The following NTRK3 variants were observed in gnomAD, a reference collection of about 807,000 sequenced individuals.
NTRK3 encodes NT-3 growth factor receptor.
NTRK3 carries 24 observed loss-of-function variants against 91.7 expected under a neutral mutation model. The observed-to-expected ratio is 0.26, with a 90% CI of 0.19 to 0.37. The LOEUF is 0.37. NTRK3 is among the 10% of genes least tolerant of loss of function. The pLI is 1.00. For missense variants in NTRK3, 880 were observed against 1,068.9 expected (o/e 0.82, Z 2.46); for synonymous variants, 483 against 404.0 (o/e 1.20, Z -2.34).
In NTRK3 at chr15:87,976,358, G is replaced by C. The variant is rs188032955; in HGVS notation, c.1586-35605C>G. The stretch of plus-strand genomic sequence containing the variant: ...AAAGCAACTGAGGGTATATAGAAAA[G>C]CACCAACCTAGCCTGATCAACTTCC... On this transcript the variant is annotated intron_variant, in intron 14 of 18. Coordinates refer to ENST00000394480, the Ensembl canonical transcript of NTRK3. Among the ~76,000 whole-genome samples, 34 of 152,270 alleles carry C rather than the reference G, an allele frequency of 2.2e-4. 1 individual carries two copies. In the East Asian group the frequency reaches 6.4e-3, roughly 29 times the overall value.
intron 17 of NTRK3, among the ~76,000 whole-genome samples, chr15:87,919,027 A>C (rs1261579204): frequency 6.6e-6 from 1 of 152,208 alleles, no homozygotes; most frequent in Non-Finnish European, 1.5e-5. Flanking sequence ...ACTTGAGTAC[A>C]TCCCACAAAC....
At chr15:88,239,941 C>T (rs1441223810) in intron 3 of NTRK3, among the ~76,000 whole-genome samples, 1 of 152,120 alleles carries the variant, frequency 6.6e-6, no homozygotes, top group Non-Finnish European at 1.5e-5. Flanking sequence ...TGGGGTGGGG[C>T]CCAGCGGTCG....
chr15:87,932,903 C>T (rs1330378976), intron 16 of NTRK3, 109 bp downstream of exon 16: 12 of 1,104,192 alleles, frequency 1.1e-5, no homozygotes, highest in African/African-American at 3.1e-5. Flanking sequence ...AATTTCTCAT[C>T]CTGAGAGGAA....
chr15:88,082,774 G>A (rs1247347473), intron 13 of NTRK3, among the ~76,000 whole-genome samples: 7 of 152,146 alleles, frequency 4.6e-5, no homozygotes, highest in Non-Finnish European at 2.9e-5. Flanking sequence ...CCACTAAGCC[G>A]GGAAGGAAAC....
At chr15:88,102,298 A>T (rs999748093) in intron 13 of NTRK3, among the ~76,000 whole-genome samples, 1 of 152,244 alleles carries the variant, frequency 6.6e-6, no homozygotes, top group Non-Finnish European at 1.5e-5. Flanking sequence ...TGAATTAAGC[A>T]TATTTTTGGT....
rs904616648 is a variant in NTRK3 at position 88,031,228 on chromosome 15, G to A, written c.1585+1629C>T. On this transcript the variant is annotated intron_variant, in intron 14 of 18. Coordinates refer to ENST00000394480, the Ensembl canonical transcript of NTRK3. ...CCTCGTGTCTTCCCTAGGAGCAATG[G>A]TTCAGTGTTCACTAATTCAGTGTTC... Among the ~76,000 whole-genome samples the A allele has an allele frequency of 2.6e-5, 4 of 152,270 alleles. No homozygotes were observed. In the East Asian group the frequency reaches 5.8e-4, roughly 22 times the overall value.
chr15:87,895,008 G>T (rs1350388986), intron 17 of NTRK3, among the ~76,000 whole-genome samples: 1 of 152,104 alleles, frequency 6.6e-6, no homozygotes, highest in Non-Finnish European at 1.5e-5. Context: ...CTTTGTGGGG[G>T]TGGGGAGCAG....
chr15:88,210,187 G>C (rs1049289217), intron 3 of NTRK3: 1 of 152,198 alleles, frequency 6.6e-6, no homozygotes, highest in African/African-American at 2.4e-5. Flanking sequence ...AATGAAGGGA[G>C]CCCACACCTA....
At chr15:88,045,837 T>C (rs1481406828) in intron 13 of NTRK3, among the ~76,000 whole-genome samples, 1 of 152,236 alleles carries the variant, frequency 6.6e-6, no homozygotes, top group African/African-American at 2.4e-5. Flanking sequence ...TTTGTGTGTG[T>C]CCATTTCTGT....
intron 14 of NTRK3, 59 bp downstream of exon 14, chr15:88,032,798 G>A (rs550570324): frequency 4.4e-6 from 7 of 1,591,518 alleles, no homozygotes; most frequent in Non-Finnish European, 5.2e-6. Flanking sequence ...CAGGTACATG[G>A]TCTATCACCA....
At chr15:88,149,896 C>G (rs1032566531) in intron 5 of NTRK3, among the ~76,000 whole-genome samples, 6 of 152,210 alleles carry the variant, frequency 3.9e-5, no homozygotes, top group Non-Finnish European at 7.3e-5. Flanking sequence ...CTGTTTTGCT[C>G]TATTTTGCCT....
intron 14 of NTRK3, among the ~76,000 whole-genome samples, chr15:87,958,794 C>G (rs148336340): frequency 1.7e-3 from 258 of 152,138 alleles, no homozygotes; most frequent in African/African-American, 5.9e-3. Flanking sequence ...TCCCACCCCT[C>G]TCTTCCATCC....
chr15:88,112,004 A>T (rs899296877), intron 13 of NTRK3, among the ~76,000 whole-genome samples: 8 of 151,234 alleles, frequency 5.3e-5, no homozygotes, highest in East Asian at 3.9e-4. Context: ...CCTCCAAGGT[A>T]CACGCCATTC....
At chr15:88,085,615 A>G (rs918967934) in intron 13 of NTRK3, among the ~76,000 whole-genome samples, 5 of 152,208 alleles carry the variant, frequency 3.3e-5, no homozygotes, top group African/African-American at 1.2e-4. Flanking sequence ...GCTTGTCAGA[A>G]AAGACTGAGT....
chr15:88,094,289 A>AC (rs2049342417), intron 13 of NTRK3, among the ~76,000 whole-genome samples: 1 of 150,994 alleles, frequency 6.6e-6, no homozygotes, highest in South Asian at 2.1e-4. Context: ...ACAAGGTGAA[A>AC]CCCCATCTCT....
intron 5 of NTRK3, among the ~76,000 whole-genome samples, chr15:88,159,698 T>C (rs1208746894): frequency 6.6e-6 from 1 of 152,154 alleles, no homozygotes; most frequent in East Asian, 1.9e-4. Context: ...AGCCGAGGGA[T>C]GCCTGTGCAG....
At chr15:87,965,348 C>T (rs1232590366) in intron 14 of NTRK3, among the ~76,000 whole-genome samples, 1 of 152,198 alleles carries the variant, frequency 6.6e-6, no homozygotes, top group East Asian at 1.9e-4. Flanking sequence ...GGGTCTTTAC[C>T]TTTCTGTGAC....
chr15:88,015,568 C>G (rs527639304), intron 14 of NTRK3, among the ~76,000 whole-genome samples: 1 of 152,296 alleles, frequency 6.6e-6, no homozygotes, highest in East Asian at 1.9e-4. Flanking sequence ...CCACTGCTCT[C>G]TAAGCACACT....
chr15:88,001,308 G>A (rs754994917), intron 14 of NTRK3, among the ~76,000 whole-genome samples: 2 of 151,960 alleles, frequency 1.3e-5, no homozygotes, highest in Non-Finnish European at 2.9e-5. Flanking sequence ...TTTCTTGTTG[G>A]TGTCCACTGA....
Sources: gnomAD v4.1 joint callset for allele counts (sites outside exome capture counted in the v4.1 genomes callset) on GRCh38, gnomAD v4.1.1 for gene constraint, MANE v1.5 for transcripts, NCBI Gene and HGNC (gene_info 2026-07-23, HGNC 2026-07-21) for gene names.